GGA3: variants seen among roughly 807,000 people sequenced by gnomAD.
GGA3 encodes the protein ADP-ribosylation factor-binding protein GGA3.
A neutral mutation model predicts 77.5 loss-of-function variants in GGA3; 57 were observed. The observed-to-expected ratio is 0.74, with a 90% CI of 0.59 to 0.92. The LOEUF (loss-of-function observed/expected upper bound fraction) is 0.92. GGA3 is among the 40% of genes least tolerant of loss of function. The pLI, the probability that GGA3 is intolerant of heterozygous loss-of-function variation, is 0.00. For missense variants in GGA3, 970 were observed against 914.9 expected, an observed-to-expected ratio of 1.06 and a Z score of -0.78; for synonymous variants, 416 against 383.7, an observed-to-expected ratio of 1.08 and a Z score of -0.98.
At chr17:75,258,918 A>T (rs2077247735) in intron 1 of GGA3, among the ~76,000 whole-genome samples, 1 of 151,294 alleles carries the variant, frequency 6.6e-6, no homozygotes, top group Non-Finnish European at 1.5e-5. Context: ...CAGTTCCCTA[A>T]AGAGAATGCC....
chr17:75,243,981 C>CT (rs2076666308), intron 4 of GGA3, among the ~76,000 whole-genome samples: 1 of 152,168 alleles, frequency 6.6e-6, no homozygotes, highest in Non-Finnish European at 1.5e-5. Context: ...CTCACCCCTG[C>CT]TCTCTGCCTT....
At chr17:75,261,928 C>G (rs748923000), upstream of GGA3, 20 of 1,608,926 alleles carry the variant, frequency 1.2e-5, no homozygotes, top group Non-Finnish European at 1.6e-5. Flanking sequence ...GAAGGTTGCC[C>G]GAGGATGGTC....
At chr17:75,240,247 G>A in intron 12 of GGA3, 95 bp downstream of exon 12, 1 of 1,148,642 alleles carries the variant, frequency 8.7e-7, no homozygotes, top group Non-Finnish European at 1.3e-6. Context: ...GGCACGCTCT[G>A]GAGGGAAGGA....
rs376137017 is a variant in GGA3, at chr17:75,239,944, G to A, written c.1428C>T (p.Ala476=). The part of the protein sequence containing the change: ...PAPVVPASVP[A]PSAGSSLFST... ...AAAACAAGGAGGAGCCCGCACTGGGGGCAGGAACACTGGCTGGGACCACAG... is the reference window on the plus strand; with the variant it reads ...AAAACAAGGAGGAGCCCGCACTGGGAGCAGGAACACTGGCTGGGACCACAG... Residue 476 remains alanine (A), a synonymous_variant, in exon 13 of 17, where the codon GCC becomes GCT. Transcript: ENST00000537686. 2.9e-5 allele frequency: 46 copies of A among 1,587,644 alleles called. No individual in the cohort carries two copies. In the Middle Eastern group the frequency reaches 5.7e-4, roughly 20 times the overall value.
chr17:75,255,750 A>G (rs55861716), intron 1 of GGA3, among the ~76,000 whole-genome samples: 1,510 of 143,994 alleles, frequency 0.01, 3 homozygotes, highest in East Asian at 0.019. Context: ...TATCCACCCC[A>G]TGGTACCAAA....
At chr17:75,262,091 C>T, upstream of GGA3, 1 of 1,330,118 alleles carries the variant, frequency 7.5e-7, no homozygotes, top group Non-Finnish European at 1.0e-6. Context: ...GCCGGAGTAT[C>T]TGGATTCAAG....
chr17:75,243,307 C>A lies in GGA3; in HGVS notation c.424+140G>T, dbSNP rs762781422. On this transcript the variant is annotated intron_variant, in intron 5 of 16. Transcript: ENST00000537686. The stretch of plus-strand genomic sequence containing the variant: ...GGCAGGCTGCTACACCTTATCCCAT[C>A]CAACTCCGACTCAGCCTTGCCTGGG... 3.3e-6 allele frequency: 4 copies of A among 1,202,714 alleles called. No individual in the cohort carries two copies. In the African/African-American group the frequency reaches 6.1e-5, roughly 18 times the overall value. The allele number at this position is 1,202,714 out of a possible 1,614,324, so 74.5% of individuals were successfully genotyped here. A position where few individuals can be genotyped will look rare whatever the true frequency, so the allele number is the denominator to read the frequency against.
At position 75,240,070 on chromosome 17, in the gene GGA3, C is replaced by T. The variant is rs36073102; in HGVS notation, c.1302G>A (p.Pro434=). The T allele has an allele frequency of 3.2e-3, 4,323 of 1,359,192 alleles. 11 individuals carry two copies. The highest frequency in any genetic ancestry group is 4.3e-3 in the Admixed American group (194 of 44,962). The allele number at this position is 1,359,192 out of a possible 1,614,324, so 84.2% of individuals were successfully genotyped here. The change falls in exon 13 of 17, where the codon CCG becomes CCA. Residue 434 remains proline, a synonymous_variant. Transcript: ENST00000537686. ...QSDLDFFSPR[P]GTAACGASDA... ...CGGAGGCGCCACAGGCAGCGGTCCCCGGCCTGGGGCTGAAGAAGTCCAGGT... is the reference window on the plus strand; with the variant it reads ...CGGAGGCGCCACAGGCAGCGGTCCCTGGCCTGGGGCTGAAGAAGTCCAGGT...
At position 75,237,371 on chromosome 17, in the gene GGA3, TCTG is replaced by T; in HGVS notation, c.*905_*907del. The T allele has an allele frequency of 2.1e-6, 2 of 969,086 alleles. No individual in the cohort carries two copies. The highest frequency in any genetic ancestry group is 2.8e-5 in the South Asian group (2 of 72,316). 60.0% of individuals were successfully genotyped at this position (969,086 alleles called of 1,614,324 possible). Reference sequence around the variant, plus strand: ...GCCACAGGTGCCACACCACATGCCATCTGGTGAGAGGAGAGGGAGGCCAAAGCA... The same window carrying T: ...GCCACAGGTGCCACACCACATGCCATGTGAGAGGAGAGGGAGGCCAAAGCA... On this transcript the variant is annotated 3_prime_UTR_variant, in exon 17 of 17. Coordinates refer to ENST00000537686, the MANE Select transcript of GGA3 (RefSeq NM_138619.4).
At chr17:75,242,789 G>C (rs1412747987) in intron 7 of GGA3, 42 bp downstream of exon 7, 6 of 1,476,492 alleles carry the variant, frequency 4.1e-6, no homozygotes, top group Non-Finnish European at 5.7e-6. Flanking sequence ...GTGTGGCCAT[G>C]GGCTCCTCCA....
chr17:75,254,338 G>A (rs1037342762), intron 1 of GGA3, among the ~76,000 whole-genome samples: 5 of 151,998 alleles, frequency 3.3e-5, no homozygotes, highest in East Asian at 1.9e-4. Flanking sequence ...TTACAGTTTC[G>A]TTCAGTGACT....
chr17:75,256,529 A>G (rs550154012), intron 1 of GGA3, among the ~76,000 whole-genome samples: 2 of 151,368 alleles, frequency 1.3e-5, no homozygotes, highest in East Asian at 2.0e-4. Flanking sequence ...CCTGTTCCTC[A>G]CCCTGATCAC....
chr17:75,253,512 G>T (rs2077040173), intron 1 of GGA3, among the ~76,000 whole-genome samples: 3 of 152,036 alleles, frequency 2.0e-5, no homozygotes, highest in African/African-American at 7.3e-5. Flanking sequence ...CTGCTTTTCT[G>T]GGGGAGGGGC....
intron 1 of GGA3, chr17:75,249,027 G>C: frequency 1.0e-6 from 1 of 979,964 alleles, no homozygotes; most frequent in Non-Finnish European, 1.2e-6. Flanking sequence ...GGAAGATTCT[G>C]ATGGTTTAGG....
chr17:75,244,555 TGATGGGA>T, intron 4 of GGA3, 57 bp downstream of exon 4: 1 of 978,628 alleles, frequency 1.0e-6, no homozygotes, highest in South Asian at 1.3e-5. Context: ...AAAGCCAGTA[TGATGGGA>T]GATGGGAATG....
At chr17:75,248,378 G>A (rs970302860) in intron 1 of GGA3, among the ~76,000 whole-genome samples, 1 of 149,590 alleles carries the variant, frequency 6.7e-6, no homozygotes, top group Non-Finnish European at 1.5e-5. Context: ...GGCTGAGGCA[G>A]GAGAATGGCG....
chr17:75,237,922 C>T lies in GGA3; in HGVS notation c.*357G>A. 2.0e-6 allele frequency: 1 copy of T among 503,884 alleles called. No homozygotes were observed. The highest frequency in any genetic ancestry group is 2.7e-6 in the Non-Finnish European group (1 of 369,418). 31.2% of individuals were successfully genotyped at this position (503,884 alleles called of 1,614,324 possible). A position where few individuals can be genotyped will look rare whatever the true frequency, so the allele number is the denominator to read the frequency against. On this transcript the variant is annotated 3_prime_UTR_variant, in exon 17 of 17. Transcript: ENST00000537686. ...GACAGTCTCTCTTTAGAGACTCCCA[C>T]CCCCCACCCCCCACCCCAGTGGCTT...
At position 75,246,775 on chromosome 17, in the gene GGA3, T is replaced by A. The variant is rs375738345; in HGVS notation, c.62A>T (p.Asn21Ile). 1.2e-5 allele frequency: 20 copies of A among 1,612,748 alleles called. No individual in the cohort carries two copies. Among genetic ancestry groups the A allele is most frequent in the Non-Finnish European group, 1.5e-5 (18 of 1,179,820 alleles). ...SWLNKATNPS[N>I]RQEDWEYIIG... ...TATGTATTCCCAGTCCTCCTGGCGG[T>A]TGGAAGGATTGGTGGCTTTATCTTG... is the stretch of plus-strand genomic sequence containing the variant. Residue 21 changes from asparagine to isoleucine, a missense_variant, in exon 2 of 17, where the codon AAC becomes ATC. By Grantham distance (149) the Asn-to-Ile change is moderately radical (BLOSUM62 -3). Transcript: ENST00000537686.
At chr17:75,262,197 C>G (rs1410374199), upstream of GGA3, 4 of 673,908 alleles carry the variant, frequency 5.9e-6, no homozygotes, top group South Asian at 7.7e-5. Context: ...TAACGCGGAG[C>G]TGAAAGTGCG....
Sources: gnomAD v4.1 joint callset for allele counts (sites outside exome capture counted in the v4.1 genomes callset) on GRCh38, gnomAD v4.1.1 for gene constraint, MANE v1.5 for transcripts, NCBI Gene and HGNC (gene_info 2026-07-23, HGNC 2026-07-21) for gene names.